The following KIF26B variants were observed in gnomAD, a reference collection of about 807,000 sequenced individuals.
KIF26B encodes the protein kinesin-like protein KIF26B.
Under a neutral mutation model 151.2 loss-of-function variants are expected in KIF26B, and 63 were observed. The observed-to-expected ratio is 0.42, with a 90% confidence interval of 0.34 to 0.51. The LOEUF (loss-of-function observed/expected upper bound fraction) is 0.51, where lower values mean the gene tolerates loss of function less well. Among genes scored for constraint, KIF26B ranks in the 20% least tolerant of loss-of-function variants. The pLI, the probability that KIF26B is intolerant of heterozygous loss-of-function variation, is 0.07. For missense variants in KIF26B, 2,813 were observed against 2,913.6 expected, an observed-to-expected ratio of 0.97 and a Z score of 0.79; for synonymous variants, 1,357 against 1,262.1, an observed-to-expected ratio of 1.08 and a Z score of -1.59.
At chr1:245,383,076 A>G (rs1673453090) in intron 3 of KIF26B, among the ~76,000 whole-genome samples, 1 of 150,414 alleles carries the variant, frequency 6.6e-6, no homozygotes, top group African/African-American at 2.4e-5. Flanking sequence ...GAGAGAGGCA[A>G]ACTCTGACCT....
intron 2 of KIF26B, among the ~76,000 whole-genome samples, chr1:245,203,255 A>AAAAAAAAAAAAAAAAAG (rs61541280): frequency 2.4e-4 from 31 of 129,736 alleles, no homozygotes; most frequent in African/African-American, 8.4e-4. Flanking sequence ...TCAAAAAAAA[A>AAAAAAAAAAAAAAAAAG]AAAAGAAAAT....
chr1:245,395,294 T>C (rs1006412171), intron 3 of KIF26B, among the ~76,000 whole-genome samples: 2 of 152,010 alleles, frequency 1.3e-5, no homozygotes, highest in Non-Finnish European at 2.9e-5. Flanking sequence ...TGGCTCTGGG[T>C]TTTTTCCTGG....
chr1:245,306,502 G>A (rs1014960327), intron 2 of KIF26B, among the ~76,000 whole-genome samples: 3 of 152,148 alleles, frequency 2.0e-5, no homozygotes, highest in African/African-American at 7.2e-5. Context: ...AATATAAATG[G>A]ATGAATTATA....
rs896306068 is a variant in KIF26B, at chr1:245,166,919, C to T, written c.465+10236C>T. On this transcript the variant is annotated intron_variant, in intron 2 of 14. Transcript: ENST00000407071. The surrounding 1 kb of genome is among the most constrained non-coding windows in gnomAD (Gnocchi z 4.5). ...AAAAACCGAGACATTCTGAACGTTG[C>T]TATAGAGGTTAGCAAAGCAGAAGGC... Among the ~76,000 whole-genome samples, 4 of 152,122 alleles carry T rather than the reference C, an allele frequency of 2.6e-5. No homozygotes were observed. The highest frequency in any genetic ancestry group is 5.9e-5 in the Non-Finnish European group (4 of 68,034).
intron 9 of KIF26B, 142 bp from the exon 10 acceptor site, chr1:245,645,978 TG>T: frequency 2.5e-6 from 2 of 806,786 alleles, no homozygotes; most frequent in Non-Finnish European, 3.8e-6. Context: ...GTGATTTTTC[TG>T]GGGTTTCCTA....
intron 3 of KIF26B, among the ~76,000 whole-genome samples, chr1:245,369,403 G>A (rs147605508): frequency 9.2e-5 from 14 of 152,338 alleles, no homozygotes; most frequent in African/African-American, 2.2e-4. Context: ...TCTCTAGAGC[G>A]TTTGAGAGTG....
At chr1:245,373,190 A>G (rs1673167306) in intron 3 of KIF26B, among the ~76,000 whole-genome samples, 1 of 152,148 alleles carries the variant, frequency 6.6e-6, no homozygotes, top group African/African-American at 2.4e-5. Flanking sequence ...TAACGTGAAA[A>G]TGTTGTTCTT....
In KIF26B at chr1:245,188,281, CAAA is replaced by C. The variant is rs10661723; in HGVS notation, c.465+31617_465+31619del. On this transcript the variant is annotated intron_variant, in intron 2 of 14. Transcript: ENST00000407071. ...GGCAAGAAGAGTGAAACTCCATCTC[CAAA>C]AAAAAAAAAAAAAAAAAAGAGGCAA... Among the ~76,000 whole-genome samples, 59 of 79,494 alleles carry C rather than the reference CAAA, an allele frequency of 7.4e-4. 2 individuals are homozygous for C. Among genetic ancestry groups the C allele is most frequent in the Non-Finnish European group, 2.8e-4 (12 of 42,828 alleles). 52.2% of individuals were successfully genotyped at this position (79,494 alleles called of 152,430 possible).
chr1:245,389,731 T>A (rs1673639529), intron 3 of KIF26B, among the ~76,000 whole-genome samples: 1 of 152,236 alleles, frequency 6.6e-6, no homozygotes, highest in Admixed American at 6.5e-5. Context: ...TATTAGTTTT[T>A]AAATTAAATG....
chr1:245,459,704 G>T (rs531366907), intron 4 of KIF26B, among the ~76,000 whole-genome samples: 1 of 152,214 alleles, frequency 6.6e-6, no homozygotes, highest in East Asian at 1.9e-4. Context: ...CACCTGAACT[G>T]GGAGAACTAA....
Position 245,508,503 on chromosome 1 carries a change from G to A in KIF26B, c.1167-32264G>A, listed in dbSNP as rs558203839. 5.9e-5 allele frequency among the ~76,000 whole-genome samples: 9 copies of A among 152,220 alleles called. No individual in the cohort carries two copies. In the South Asian group the frequency reaches 1.9e-3, roughly 32 times the overall value. On this transcript the variant is annotated intron_variant, in intron 4 of 14. Coordinates refer to ENST00000407071, the MANE Select transcript of KIF26B (RefSeq NM_018012.4). The stretch of plus-strand genomic sequence containing the variant: ...GATCCTCCCGCCTCAACCTCCCCAA[G>A]TGCTGTGTGATCCTTAACTTTTAAT...
rs747326031 is a variant in KIF26B at position 245,688,641 on chromosome 1, G to C, written c.5658G>C (p.Thr1886=). The C allele has an allele frequency of 6.2e-7, 1 of 1,602,662 alleles. No homozygotes were observed. The highest frequency in any genetic ancestry group is 1.7e-5 in the Admixed American group (1 of 58,992). ...SGELPPAMGK[T]ALFYHSGGSS... ...AGCTCCCGCCGGCCATGGGGAAGAC[G>C]GCCCTGTTCTACCACAGCGGCGGCA... is the stretch of plus-strand genomic sequence containing the variant. The change falls in exon 12 of 15, where the codon ACG becomes ACC. Residue 1886 remains threonine, a synonymous_variant. Transcript: ENST00000407071.
chr1:245,308,974 A>T lies in KIF26B; in HGVS notation c.466-57860A>T, dbSNP rs145923550. Among the ~76,000 whole-genome samples the T allele has an allele frequency of 3.4e-4, 52 of 152,318 alleles. No homozygotes were observed. The East Asian group carries it at 8.9e-3, about 26-fold the overall frequency. ...GTCAGTGACAGAATCTAGGGCTTTT[A>T]AGATAAAAGCAAACCAGTTGGCCAA... On this transcript the variant is annotated intron_variant, in intron 2 of 14. Coordinates refer to ENST00000407071, the MANE Select transcript of KIF26B (RefSeq NM_018012.4).
chr1:245,353,465 C>A (rs747066926), intron 2 of KIF26B, among the ~76,000 whole-genome samples: 1 of 152,094 alleles, frequency 6.6e-6, no homozygotes, highest in Non-Finnish European at 1.5e-5. Context: ...TGGCACACAC[C>A]GAGGAAGATT....
intron 5 of KIF26B, among the ~76,000 whole-genome samples, chr1:245,568,848 G>C (rs932342819): frequency 1.3e-5 from 2 of 152,176 alleles, no homozygotes; most frequent in African/African-American, 2.4e-5. Flanking sequence ...CTTCATCTAA[G>C]CTATGCTTTT....
intron 4 of KIF26B, among the ~76,000 whole-genome samples, chr1:245,484,706 C>CCTTCTCCTT (rs1553278676): frequency 6.6e-6 from 1 of 150,514 alleles, no homozygotes; most frequent in Non-Finnish European, 1.5e-5. Flanking sequence ...TTCTCCTTCT[C>CCTTCTCCTT]CTTCTTCTTT....
intron 3 of KIF26B, among the ~76,000 whole-genome samples, chr1:245,417,528 A>T (rs1674449420): frequency 6.6e-6 from 1 of 152,168 alleles, no homozygotes; most frequent in South Asian, 2.1e-4. Flanking sequence ...ACAATTGATG[A>T]TTGAATAGTT....
At chr1:245,380,955 G>GAAAAAAA (rs35477111) in intron 3 of KIF26B, among the ~76,000 whole-genome samples, 1 of 77,932 alleles carries the variant, frequency 1.3e-5, no homozygotes, top group Non-Finnish European at 2.9e-5. Context: ...CCAAAAAGAT[G>GAAAAAAA]AAAAAAAAAA....
intron 4 of KIF26B, among the ~76,000 whole-genome samples, chr1:245,533,881 C>T (rs1382486467): frequency 6.6e-6 from 1 of 152,092 alleles, no homozygotes; most frequent in Non-Finnish European, 1.5e-5. Flanking sequence ...ATTGAATCCA[C>T]CAGATGAGTG....
Sources: gnomAD v4.1 joint callset for allele counts (sites outside exome capture counted in the v4.1 genomes callset) on GRCh38, gnomAD v4.1.1 for gene constraint, Gnocchi (gnomAD v3.1) non-coding constraint, MANE v1.5 for transcripts, NCBI Gene and HGNC (gene_info 2026-07-23, HGNC 2026-07-21) for gene names.